Variants in TRIM8 observed in about 807,000 individuals in gnomAD.
The protein encoded by TRIM8 is E3 ubiquitin-protein ligase TRIM8.
A neutral mutation model predicts 55.7 loss-of-function variants in TRIM8; 9 were observed. That is an observed-to-expected ratio of 0.16 (90% confidence interval 0.10 to 0.28). The LOEUF is 0.28. Among genes scored for constraint, TRIM8 ranks in the 10% least tolerant of loss-of-function variants. The pLI, the probability that TRIM8 is intolerant of heterozygous loss-of-function variation, is 1.00. For missense variants in TRIM8, 556 were observed against 736.4 expected (o/e 0.76, Z 2.83); for synonymous variants, 335 against 333.3 (o/e 1.01, Z -0.06).
At chr10:102,652,801 T>C (rs1189570901) in intron 1 of TRIM8, among the ~76,000 whole-genome samples, 1 of 140,056 alleles carries the variant, frequency 7.1e-6, no homozygotes, top group African/African-American at 2.5e-5. Context: ...AACCGATACT[T>C]AACTTTTTTT....
At chr10:102,655,003 G>A (rs2064011741) in intron 2 of TRIM8, 77 bp from the exon 3 acceptor site, 4 of 1,523,122 alleles carry the variant, frequency 2.6e-6, no homozygotes, top group East Asian at 4.6e-5. Context: ...TCTAGGATGT[G>A]AGAAGGGTAA....
At chr10:102,655,976 T>G in intron 3 of TRIM8, 130 bp from the exon 4 acceptor site, 6 of 1,360,698 alleles carry the variant, frequency 4.4e-6, no homozygotes, top group Non-Finnish European at 6.3e-6. Flanking sequence ...CCCTGCCACT[T>G]TCTGTCCAGA....
intron 1 of TRIM8, 53 bp from the exon 2 acceptor site, chr10:102,654,600 G>GT: frequency 7.2e-7 from 1 of 1,380,940 alleles, no homozygotes. Flanking sequence ...GGAAGCATGG[G>GT]TCAGGGTTGG....
Position 102,656,226 on chromosome 10 carries a change from C to A in TRIM8, c.933-44C>A. On this transcript the variant is annotated intron_variant, in intron 4 of 5. Coordinates refer to ENST00000643721, the MANE Select transcript of TRIM8 (RefSeq NM_030912.3). The surrounding 1 kb of genome is among the most constrained non-coding windows in gnomAD (Gnocchi z 4.6). ...TGGCGGGGAGGTAGGGCGGGCTCACCGGTGATGCCTCCTCACAGCAGATGC... is the reference window on the plus strand; with the variant it reads ...TGGCGGGGAGGTAGGGCGGGCTCACAGGTGATGCCTCCTCACAGCAGATGC... 1 of 1,614,020 alleles carries A rather than the reference C, an allele frequency of 6.2e-7. No individual in the cohort carries two copies.
chr10:102,651,278 G>A (rs2063982727), intron 1 of TRIM8, among the ~76,000 whole-genome samples: 3 of 152,222 alleles, frequency 2.0e-5, no homozygotes, highest in Admixed American at 2.0e-4. Flanking sequence ...CCGGCTCCCA[G>A]GGTAGAAGTG....
At chr10:102,646,058 ACCGCGTCC>A (rs1461620188) in intron 1 of TRIM8, among the ~76,000 whole-genome samples, 1 of 152,092 alleles carries the variant, frequency 6.6e-6, no homozygotes, top group Admixed American at 6.5e-5. Context: ...TGATTACGGA[ACCGCGTCC>A]CCTCCCATTG....
Position 102,658,228 on chromosome 10 carries a change from TC to T in TRIM8, c.*876del, listed in dbSNP as rs1219077417. 2 of 152,220 alleles carry T rather than the reference TC, an allele frequency of 1.3e-5. No homozygotes were observed. The highest frequency in any genetic ancestry group is 1.9e-4 in the East Asian group (1 of 5,192). The allele number at this position is 152,220 out of a possible 1,614,324, so 9.4% of individuals were successfully genotyped here. A position where few individuals can be genotyped will look rare whatever the true frequency, so the allele number is the denominator to read the frequency against. On this transcript the variant is annotated 3_prime_UTR_variant, in exon 6 of 6. Coordinates refer to ENST00000643721, the MANE Select transcript of TRIM8 (RefSeq NM_030912.3). Reference sequence around the variant, plus strand: ...GAGCACTTTGTATGAATCGTGGACTTCCTGTTCTCAAGGCGCAGGTATTTAT... The same window carrying T: ...GAGCACTTTGTATGAATCGTGGACTTCTGTTCTCAAGGCGCAGGTATTTAT...
In TRIM8 at chr10:102,648,975, A is replaced by G. The variant is rs965845746; in HGVS notation, c.570+3788A>G. On this transcript the variant is annotated intron_variant, in intron 1 of 5. Transcript: ENST00000643721. ...ATGGCCAGGCACCTGTCATGCACAC[A>G]CTATTATTACTCTGCCTTCTGCGGC... Among the ~76,000 whole-genome samples, 4 of 151,728 alleles carry G rather than the reference A, an allele frequency of 2.6e-5. No homozygotes were observed. In the East Asian group the frequency reaches 7.8e-4, roughly 29 times the overall value.
At chr10:102,653,040 C>G (rs1340916912) in intron 1 of TRIM8, among the ~76,000 whole-genome samples, 3 of 152,318 alleles carry the variant, frequency 2.0e-5, no homozygotes, top group East Asian at 1.9e-4. Flanking sequence ...CTCAGGTGAT[C>G]CGCCTGCCTC....
intron 1 of TRIM8, chr10:102,654,087 A>C (rs943916057): frequency 6.5e-6 from 1 of 153,268 alleles, no homozygotes; most frequent in Non-Finnish European, 1.5e-5. Context: ...TGTACAGGAA[A>C]AGTGTTTAGA....
At chr10:102,648,651 T>C (rs1488361215) in intron 1 of TRIM8, among the ~76,000 whole-genome samples, 1 of 152,114 alleles carries the variant, frequency 6.6e-6, no homozygotes, top group Non-Finnish European at 1.5e-5. Flanking sequence ...TGTCTCTGAG[T>C]ACGCAGTGAG....
chr10:102,646,546 C>G (rs1047330003), intron 1 of TRIM8, among the ~76,000 whole-genome samples: 1 of 152,126 alleles, frequency 6.6e-6, no homozygotes, highest in Non-Finnish European at 1.5e-5. Flanking sequence ...CAGGCTGGGG[C>G]GGGGGCAGCA....
At chr10:102,655,008 G>A (rs1343389106) in intron 2 of TRIM8, 72 bp from the exon 3 acceptor site, 1 of 1,535,560 alleles carries the variant, frequency 6.5e-7, no homozygotes, top group Non-Finnish European at 9.0e-7. Context: ...GATGTGAGAA[G>A]GGTAAGAGGG....
In TRIM8 at chr10:102,657,464, A is replaced by G. The variant is rs965963067; in HGVS notation, c.*110A>G. 3 of 1,295,278 alleles carry G rather than the reference A, an allele frequency of 2.3e-6. No homozygotes were observed. The highest frequency in any genetic ancestry group is 2.5e-4 in the Middle Eastern group (1 of 3,924). The allele number at this position is 1,295,278 out of a possible 1,614,324, so 80.2% of individuals were successfully genotyped here. On this transcript the variant is annotated 3_prime_UTR_variant, in exon 6 of 6. Coordinates refer to ENST00000643721, the MANE Select transcript of TRIM8 (RefSeq NM_030912.3). ...ACCTTCCTCGCCTCCCCTCTTCCTCATTCCATTGCCCCAGGTCTTTTCCTT... is the reference window on the plus strand; with the variant it reads ...ACCTTCCTCGCCTCCCCTCTTCCTCGTTCCATTGCCCCAGGTCTTTTCCTT...
intron 1 of TRIM8, among the ~76,000 whole-genome samples, chr10:102,646,374 G>A (rs575134411): frequency 6.6e-6 from 1 of 152,340 alleles, no homozygotes; most frequent in African/African-American, 2.4e-5. Context: ...GATCCCTGGA[G>A]GTTAGTGGAG....
Position 102,657,476 on chromosome 10 carries a change from C to T in TRIM8, c.*122C>T. 1 of 1,230,780 alleles carries T rather than the reference C, an allele frequency of 8.1e-7. No individual in the cohort carries two copies. Among genetic ancestry groups the T allele is most frequent in the Non-Finnish European group, 1.1e-6 (1 of 910,282 alleles). 76.2% of individuals were successfully genotyped at this position (1,230,780 alleles called of 1,614,324 possible). A position where few individuals can be genotyped will look rare whatever the true frequency, so the allele number is the denominator to read the frequency against. ...TCCCCTCTTCCTCATTCCATTGCCCCAGGTCTTTTCCTTTTGGATTTTGTT... is the reference window on the plus strand; with the variant it reads ...TCCCCTCTTCCTCATTCCATTGCCCTAGGTCTTTTCCTTTTGGATTTTGTT... On this transcript the variant is annotated 3_prime_UTR_variant, in exon 6 of 6. Transcript: ENST00000643721.
chr10:102,648,128 G>A (rs1384601463), intron 1 of TRIM8, among the ~76,000 whole-genome samples: 1 of 152,208 alleles, frequency 6.6e-6, no homozygotes, highest in Non-Finnish European at 1.5e-5. Flanking sequence ...CCATGAGGCT[G>A]TGGGGAAGCT....
Position 102,655,122 on chromosome 10 carries a change from G to A in TRIM8, c.709G>A (p.Glu237Lys), listed in dbSNP as rs763941427. 9 of 1,612,736 alleles carry A rather than the reference G, an allele frequency of 5.6e-6. No homozygotes were observed. Among genetic ancestry groups the A allele is most frequent in the African/African-American group, 1.3e-5 (1 of 74,824 alleles). The change falls in exon 3 of 6, where the codon GAG (glutamate) becomes AAG (lysine). Residue 237 changes from glutamate to lysine, a missense_variant. Transcript: ENST00000643721. Reference protein sequence around the residue: ...QLKEEVRLQYEKLHQLLDEDL... With the variant: ...QLKEEVRLQYKKLHQLLDEDL... Reference sequence around the variant, plus strand: ...GAAGGAGGAAGTTCGGCTGCAGTACGAGAAGCTGCACCAGCTGCTGGACGA... The same window carrying A: ...GAAGGAGGAAGTTCGGCTGCAGTACAAGAAGCTGCACCAGCTGCTGGACGA...
chr10:102,656,947 G>A lies in TRIM8; in HGVS notation c.1249G>A (p.Gly417Arg). 6.2e-7 allele frequency: 1 copy of A among 1,611,136 alleles called. No individual in the cohort carries two copies. Among genetic ancestry groups the A allele is most frequent in the Non-Finnish European group, 8.5e-7 (1 of 1,178,744 alleles). The part of the protein sequence containing the change: ...SGEGQSGQPL[G>R]PCSSTQHLVA... ...TGAGGGCCAGTCTGGGCAGCCCCTG[G>A]GGCCCTGCAGCTCCACGCAGCACTT... Residue 417 changes from glycine to arginine, a missense_variant, in exon 6 of 6, where the codon GGG becomes AGG. Coordinates refer to ENST00000643721, the MANE Select transcript of TRIM8 (RefSeq NM_030912.3). This position sits in a 1 kb window ranked among gnomAD's most constrained non-coding sequence, Gnocchi z 4.6.
Sources: gnomAD v4.1 joint callset for allele counts (sites outside exome capture counted in the v4.1 genomes callset) on GRCh38, gnomAD v4.1.1 for gene constraint, Gnocchi (gnomAD v3.1) non-coding constraint, MANE v1.5 for transcripts, NCBI Gene and HGNC (gene_info 2026-07-23, HGNC 2026-07-21) for gene names.